KLF12: variants seen among roughly 807,000 people sequenced by gnomAD.
KLF12 encodes the protein KLF transcription factor 12.
A neutral mutation model predicts 37.8 loss-of-function variants in KLF12; 9 were observed. The ratio of observed to expected loss-of-function variants is 0.24; its 90% CI spans 0.14 to 0.42. The LOEUF is 0.42. KLF12 is among the 10% of genes least tolerant of loss of function. The pLI, the probability that KLF12 is intolerant of heterozygous loss-of-function variation, is 1.00. For synonymous variants in KLF12, 208 were observed against 202.1 expected (o/e 1.03, Z -0.25); for missense variants, 411 against 516.0 (o/e 0.80, Z 1.97).
chr13:73,923,491 A>T (rs1220866233), intron 3 of KLF12, among the ~76,000 whole-genome samples: 1 of 152,204 alleles, frequency 6.6e-6, no homozygotes, highest in Non-Finnish European at 1.5e-5. Flanking sequence ...AGACGTCTCC[A>T]GGCTGCAGCA....
intron 1 of KLF12, among the ~76,000 whole-genome samples, chr13:74,072,949 G>C (rs1874361281): frequency 6.6e-6 from 1 of 152,166 alleles, no homozygotes; most frequent in Non-Finnish European, 1.5e-5. Flanking sequence ...TGTCATGGGA[G>C]GGACCCGGTG....
the KLF12 span, among the ~76,000 whole-genome samples, chr13:74,183,694 G>A: frequency 5.3e-5 from 8 of 152,180 alleles, no homozygotes; most frequent in East Asian, 1.3e-3. Context: ...CCAGCACTTT[G>A]GGAGGCCAAG....
chr13:74,037,255 G>C (rs1434061697), intron 1 of KLF12, among the ~76,000 whole-genome samples: 3 of 148,900 alleles, frequency 2.0e-5, no homozygotes, highest in African/African-American at 7.4e-5. Flanking sequence ...ACTATTTCCT[G>C]AAAGAAAAAC....
At chr13:74,083,417 G>A (rs955803507) in intron 1 of KLF12, among the ~76,000 whole-genome samples, 38 of 151,868 alleles carry the variant, frequency 2.5e-4, no homozygotes, top group African/African-American at 8.2e-4. Context: ...TGAGGTGGGA[G>A]GATCACCTGA....
intron 1 of KLF12, among the ~76,000 whole-genome samples, chr13:74,025,145 T>A (rs1466898279): frequency 2.0e-5 from 3 of 152,166 alleles, no homozygotes. Context: ...CAAATGCAAA[T>A]AAACTGAAAA....
intron 5 of KLF12, chr13:73,800,312 A>G (rs1882218286): frequency 6.6e-6 from 1 of 152,102 alleles, no homozygotes; most frequent in South Asian, 2.1e-4. Context: ...TACGGATTTT[A>G]AAAGTTAGGT....
chr13:73,879,519 A>G (rs1159823164), intron 3 of KLF12, among the ~76,000 whole-genome samples: 2 of 152,194 alleles, frequency 1.3e-5, no homozygotes, highest in East Asian at 3.9e-4. Context: ...AAACATAGAT[A>G]AGATATCAAA....
chr13:74,229,199 A>C, the KLF12 span, among the ~76,000 whole-genome samples: 1 of 152,198 alleles, frequency 6.6e-6, no homozygotes, highest in East Asian at 1.9e-4. Flanking sequence ...CAAATCATCA[A>C]AGTTATGTAT....
At position 73,979,582 on chromosome 13, in the gene KLF12, A is replaced by G. The variant is rs1224645841; in HGVS notation, c.33+15408T>C. Reference sequence around the variant, plus strand: ...AAATAAACAAAAGGAAATGCTTTGGAAAGACTATGAAATTGTCAAATCCTT... The same window carrying G: ...AAATAAACAAAAGGAAATGCTTTGGGAAGACTATGAAATTGTCAAATCCTT... On this transcript the variant is annotated intron_variant, in intron 2 of 7. Transcript: ENST00000377669. 3.3e-5 allele frequency among the ~76,000 whole-genome samples: 5 copies of G among 152,342 alleles called. No individual in the cohort carries two copies. The East Asian group carries it at 9.6e-4, about 29-fold the overall frequency.
chr13:74,029,012 A>G (rs552134746), intron 1 of KLF12, among the ~76,000 whole-genome samples: 119 of 152,224 alleles, frequency 7.8e-4, no homozygotes, highest in African/African-American at 2.5e-3. Context: ...TCCCTTTTAC[A>G]TAATTCTCAG....
chr13:74,237,380 C>G, the KLF12 span, among the ~76,000 whole-genome samples: 585 of 143,286 alleles, frequency 4.1e-3, 3 homozygotes, highest in African/African-American at 0.017. Context: ...TAGTGTGATG[C>G]CTCCAGCTTT....
At chr13:73,839,258 A>ATTTTTTTT in intron 4 of KLF12, among the ~76,000 whole-genome samples, 1 of 113,044 alleles carries the variant, frequency 8.8e-6, no homozygotes, top group Non-Finnish European at 1.9e-5. Context: ...ATACCTGGTT[A>ATTTTTTTT]TTTTTTTTTT....
At chr13:73,785,512 C>T (rs975682260) in intron 5 of KLF12, among the ~76,000 whole-genome samples, 1 of 152,126 alleles carries the variant, frequency 6.6e-6, no homozygotes, top group Non-Finnish European at 1.5e-5. Context: ...TTTAATTGTG[C>T]ATTTCCAACT....
the KLF12 span, among the ~76,000 whole-genome samples, chr13:74,184,244 T>A: frequency 6.6e-6 from 1 of 152,220 alleles, no homozygotes; most frequent in Non-Finnish European, 1.5e-5. Context: ...TATTCTTATA[T>A]CATGCTTTAG....
chr13:74,299,290 TGA>T, the KLF12 span, among the ~76,000 whole-genome samples: 17 of 152,290 alleles, frequency 1.1e-4, no homozygotes, highest in South Asian at 1.7e-3. Flanking sequence ...GGACATTCTC[TGA>T]GAGACAGGAA....
intron 6 of KLF12, among the ~76,000 whole-genome samples, chr13:73,731,017 G>A (rs982165874): frequency 2.0e-5 from 3 of 152,058 alleles, no homozygotes; most frequent in Non-Finnish European, 4.4e-5. Context: ...TAAAGTCAAG[G>A]CCTTTATCAA....
intron 3 of KLF12, among the ~76,000 whole-genome samples, chr13:73,909,422 A>G (rs1027480493): frequency 1.3e-5 from 2 of 152,224 alleles, no homozygotes; most frequent in Non-Finnish European, 2.9e-5. Context: ...AACATCAACA[A>G]TAAATCTTTC....
At chr13:74,279,549 T>A in the KLF12 span, among the ~76,000 whole-genome samples, 1 of 151,962 alleles carries the variant, frequency 6.6e-6, no homozygotes, top group Non-Finnish European at 1.5e-5. Flanking sequence ...TAAGTGCTCT[T>A]TGAGGAATAT....
intron 6 of KLF12, among the ~76,000 whole-genome samples, chr13:73,727,790 C>T (rs993856829): frequency 3.2e-4 from 49 of 152,002 alleles, no homozygotes; most frequent in African/African-American, 1.1e-3. Flanking sequence ...CTCCGTCTCC[C>T]GGGTTCAAGT....
Sources: allele counts gnomAD v4.1 joint callset (sites outside exome capture counted in the v4.1 genomes callset), GRCh38; gene constraint gnomAD v4.1.1; transcripts MANE v1.5; gene names NCBI Gene and HGNC (gene_info 2026-07-23, HGNC 2026-07-21).